Variants in VCL observed in about 807,000 individuals in gnomAD.
The protein encoded by VCL is epididymis luminal protein 114.
VCL carries 47 observed loss-of-function variants against 125.7 expected under a neutral mutation model. The ratio of observed to expected loss-of-function variants is 0.37; its 90% confidence interval spans 0.30 to 0.48. The LOEUF (loss-of-function observed/expected upper bound fraction) is 0.48. Among genes scored for constraint, VCL ranks in the 20% least tolerant of loss-of-function variants. The pLI, the probability that VCL is intolerant of heterozygous loss-of-function variation, is 0.99. For synonymous variants in VCL, 458 were observed against 514.6 expected (o/e 0.89, Z 1.49); for missense variants, 1,069 against 1,455.5 (o/e 0.73, Z 4.32).
intron 1 of VCL, among the ~76,000 whole-genome samples, chr10:74,039,636 A>T (rs999580245): frequency 1.3e-5 from 2 of 151,808 alleles, no homozygotes; most frequent in Non-Finnish European, 2.9e-5. Flanking sequence ...AAAAAAAAAA[A>T]TTAGCTAGGC....
At chr10:74,067,746 G>C (rs964478089) in intron 2 of VCL, among the ~76,000 whole-genome samples, 1 of 152,226 alleles carries the variant, frequency 6.6e-6, no homozygotes, top group African/African-American at 2.4e-5. Context: ...GCCAGACGTA[G>C]TGTATGAATT....
chr10:74,079,347 A>C (rs141583742), intron 6 of VCL, among the ~76,000 whole-genome samples: 62 of 152,322 alleles, frequency 4.1e-4, no homozygotes, highest in African/African-American at 1.3e-3. Context: ...AAACAAACCA[A>C]AAACAGATAA....
chr10:74,016,298 G>A lies in VCL; in HGVS notation c.168+17923G>A, dbSNP rs548456636. 5.9e-5 allele frequency among the ~76,000 whole-genome samples: 9 copies of A among 152,146 alleles called. No homozygotes were observed. The South Asian group carries it at 1.9e-3, about 32-fold the overall frequency. ...CTATAAGAGCTTAATACCAGAGAGA[G>A]AATAGCAAGGCACTTTTAAAATCTG... On this transcript the variant is annotated intron_variant, in intron 1 of 21. Transcript: ENST00000211998.
intron 19 of VCL, 136 bp from the exon 20 acceptor site, chr10:74,114,047 GC>G: frequency 1.1e-6 from 1 of 947,170 alleles, no homozygotes; most frequent in Middle Eastern, 3.1e-4. Context: ...CTCAAGAACG[GC>G]CCTTTTCTCC....
chr10:74,083,231 T>C (rs768009596), intron 7 of VCL, 135 bp from the exon 8 acceptor site: 22 of 1,158,576 alleles, frequency 1.9e-5, no homozygotes, highest in Non-Finnish European at 2.7e-5. Context: ...CTGTTAGCTA[T>C]CAGATATGTT....
At chr10:74,073,098 G>A (rs2136274261) in intron 5 of VCL, among the ~76,000 whole-genome samples, 1 of 152,090 alleles carries the variant, frequency 6.6e-6, no homozygotes, top group African/African-American at 2.4e-5. Flanking sequence ...GCACTGCCAT[G>A]CCCAGCTAAT....
chr10:74,099,334 CTTTG>C (rs751075857), intron 13 of VCL, among the ~76,000 whole-genome samples: 6 of 152,166 alleles, frequency 3.9e-5, no homozygotes, highest in Non-Finnish European at 8.8e-5. Flanking sequence ...TTTTCCATGT[CTTTG>C]TTTTTTCTGT....
intron 2 of VCL, among the ~76,000 whole-genome samples, chr10:74,058,892 T>G (rs544953953): frequency 6.6e-6 from 1 of 150,524 alleles, no homozygotes; most frequent in South Asian, 2.1e-4. Context: ...ACAGAAAGGG[T>G]GTGTGTGTGT....
At position 74,097,547 on chromosome 10, in the gene VCL, A is replaced by G. The variant is rs182754481; in HGVS notation, c.1872+215A>G. 4.6e-5 allele frequency among the ~76,000 whole-genome samples: 7 copies of G among 152,310 alleles called. No individual in the cohort carries two copies. The East Asian group carries it at 1.4e-3, about 29-fold the overall frequency. On this transcript the variant is annotated intron_variant, in intron 13 of 21. Coordinates refer to ENST00000211998, the MANE Select transcript of VCL (RefSeq NM_014000.3). This position sits in a 1 kb window ranked among gnomAD's most constrained non-coding sequence, Gnocchi z 4.1. ...GTTGCAAGCAATAGAAGACCTGACC[A>G]TCAGAGATGAAAACAACCGGGTTTG...
At position 74,112,072 on chromosome 10, in the gene VCL, C is replaced by G. The variant is rs761884758; in HGVS notation, c.2909C>G (p.Ala970Gly). 2 of 1,614,230 alleles carry G rather than the reference C, an allele frequency of 1.2e-6. No homozygotes were observed. Among genetic ancestry groups the G allele is most frequent in the Non-Finnish European group, 1.7e-6 (2 of 1,180,040 alleles). Residue 970 changes from alanine to glycine, a missense_variant, in exon 19 of 22, where the codon GCT (alanine) becomes GGT (glycine). By Grantham distance (60) the Ala-to-Gly change is moderately conservative (BLOSUM62 0). This residue lies in a region of VCL where 86 missense variants were observed against 91.0 expected (regional missense o/e 0.95). Transcript: ENST00000211998. ...QPVNQPILAAAQSLHREATKW... is the reference protein window; with the variant it reads ...QPVNQPILAAGQSLHREATKW... ...GTCAACCAGCCCATTCTGGCCGCGG[C>G]TCAGTCCTTGCATCGGGAAGCTACC... is the stretch of plus-strand genomic sequence containing the variant.
Position 74,097,203 on chromosome 10 carries a change from G to A in VCL, c.1744-1G>A. On this transcript the variant is annotated splice_acceptor_variant, in intron 12 of 21. Coordinates refer to ENST00000211998, the MANE Select transcript of VCL (RefSeq NM_014000.3). LOFTEE classifies it high-confidence loss of function. The surrounding 1 kb of genome is among the most constrained non-coding windows in gnomAD (Gnocchi z 4.1). ...TTTCATATGTAAACAATGTTTTTAAGGATCTAAAAGCTCGGATGCAGGAGG... is the reference window on the plus strand; with the variant it reads ...TTTCATATGTAAACAATGTTTTTAAAGATCTAAAAGCTCGGATGCAGGAGG... The A allele has an allele frequency of 6.2e-7, 1 of 1,613,574 alleles. No individual in the cohort carries two copies. Among genetic ancestry groups the A allele is most frequent in the East Asian group, 2.2e-5 (1 of 44,850 alleles).
At chr10:74,082,337 G>C (rs1041390995) in intron 6 of VCL, 117 bp from the exon 7 acceptor site, 1 of 1,063,782 alleles carries the variant, frequency 9.4e-7, no homozygotes, top group Non-Finnish European at 1.4e-6. Flanking sequence ...TAAGGCCTTC[G>C]TAGGACTGAC....
At chr10:74,081,241 G>A (rs1839669506) in intron 6 of VCL, among the ~76,000 whole-genome samples, 1 of 152,176 alleles carries the variant, frequency 6.6e-6, no homozygotes, top group South Asian at 2.1e-4. Flanking sequence ...GTTTAGAAGG[G>A]GAAGGAGGGA....
In VCL at chr10:74,096,727, G is replaced by A. The variant is rs146975967; in HGVS notation, c.1744-477G>A. On this transcript the variant is annotated intron_variant, in intron 12 of 21. Transcript: ENST00000211998. ...TAGAAAACTTAATTGAAAGAACCTG[G>A]ATTAAAAAATTCCCATTCTTGATTT... Among the ~76,000 whole-genome samples, 55 of 152,288 alleles carry A rather than the reference G, an allele frequency of 3.6e-4. 1 individual carries two copies. Among genetic ancestry groups the A allele is most frequent in the African/African-American group, 1.3e-3 (52 of 41,546 alleles).
chr10:74,044,831 A>G (rs901498485), intron 2 of VCL, among the ~76,000 whole-genome samples: 2 of 152,182 alleles, frequency 1.3e-5, no homozygotes, highest in Admixed American at 1.3e-4. Context: ...AGGAGTGAGG[A>G]ATTTTCACTT....
At chr10:73,998,756 A>C (rs540794891) in intron 1 of VCL, among the ~76,000 whole-genome samples, 1 of 152,322 alleles carries the variant, frequency 6.6e-6, no homozygotes, top group South Asian at 2.1e-4. Context: ...CCCCACGTTG[A>C]CTTCCTCGCT....
intron 1 of VCL, among the ~76,000 whole-genome samples, chr10:74,038,843 T>C (rs1409081700): frequency 6.6e-6 from 1 of 152,226 alleles, no homozygotes; most frequent in Non-Finnish European, 1.5e-5. Flanking sequence ...GTTTGCCATA[T>C]ATCAGCCTTC....
intron 19 of VCL, among the ~76,000 whole-genome samples, 190 bp from the exon 20 acceptor site, chr10:74,113,993 GC>G (rs1373808740): frequency 6.6e-6 from 1 of 151,904 alleles, no homozygotes; most frequent in Non-Finnish European, 1.5e-5. Flanking sequence ...TTGGGCGAGT[GC>G]CCTGTCTCAT....
intron 1 of VCL, among the ~76,000 whole-genome samples, chr10:74,001,156 C>T (rs573105625): frequency 2.6e-5 from 4 of 152,176 alleles, no homozygotes; most frequent in South Asian, 4.2e-4. Context: ...AGAAAGACTG[C>T]GTGAGAATGG....
Sources: allele counts gnomAD v4.1 joint callset (sites outside exome capture counted in the v4.1 genomes callset), GRCh38; gene constraint gnomAD v4.1.1; regional missense constraint gnomAD v4.1.1; non-coding constraint Gnocchi (gnomAD v3.1); transcripts MANE v1.5; gene names NCBI Gene and HGNC (gene_info 2026-07-23, HGNC 2026-07-21).